The following PCCA variants were observed in gnomAD, a reference collection of about 807,000 sequenced individuals.
The protein encoded by PCCA is propionyl-CoA carboxylase alpha chain, mitochondrial.
In PCCA, 74 loss-of-function variants were observed where a neutral mutation model predicts 101.3. The observed-to-expected ratio is 0.73, with a 90% CI of 0.61 to 0.89. PCCA has a LOEUF of 0.89. Ranked by LOEUF, PCCA falls within the 40% of genes least tolerant of loss-of-function variation. The probability of loss-of-function intolerance (pLI) is 0.00; values close to 1 mark genes in which losing one functional copy is unlikely to be tolerated. For missense variants in PCCA, 891 were observed against 907.0 expected, an observed-to-expected ratio of 0.98 and a Z score of 0.23; for synonymous variants, 294 against 313.6, an observed-to-expected ratio of 0.94 and a Z score of 0.66.
At chr13:100,486,071 G>A (rs1423978456) in intron 21 of PCCA, among the ~76,000 whole-genome samples, 1 of 152,194 alleles carries the variant, frequency 6.6e-6, no homozygotes, top group East Asian at 1.9e-4. Flanking sequence ...GCAGGTCGGA[G>A]CCCATCGTAG....
At chr13:100,347,795 T>C (rs1595493572) in intron 18 of PCCA, among the ~76,000 whole-genome samples, 1 of 152,348 alleles carries the variant, frequency 6.6e-6, no homozygotes, top group African/African-American at 2.4e-5. Flanking sequence ...ATTTATTTTC[T>C]ATACAACAAG....
chr13:100,490,758 ATGTT>A (rs1300198048), intron 21 of PCCA: 1 of 152,170 alleles, frequency 6.6e-6, no homozygotes, highest in Non-Finnish European at 1.5e-5. Flanking sequence ...AGCGCTGTCA[ATGTT>A]TGGACAGTGT....
intron 8 of PCCA, among the ~76,000 whole-genome samples, chr13:100,238,184 C>G (rs2060919818): frequency 6.6e-6 from 1 of 152,018 alleles, no homozygotes; most frequent in Non-Finnish European, 1.5e-5. Flanking sequence ...AGGTGATCTG[C>G]CCACCTCAGC....
chr13:100,449,105 G>T, intron 20 of PCCA, 147 bp from the exon 21 acceptor site: 2 of 533,714 alleles, frequency 3.7e-6, no homozygotes, highest in South Asian at 3.1e-5. Flanking sequence ...CCTTTTTATG[G>T]CCAAATAATA....
intron 1 of PCCA, among the ~76,000 whole-genome samples, chr13:100,090,866 C>T (rs2152200146): frequency 6.6e-6 from 1 of 152,306 alleles, no homozygotes; most frequent in South Asian, 2.1e-4. Flanking sequence ...AAGTGGCAAA[C>T]AGGATTTAGA....
chr13:100,175,464 G>T (rs183308111), intron 6 of PCCA, among the ~76,000 whole-genome samples: 1 of 152,280 alleles, frequency 6.6e-6, no homozygotes, highest in East Asian at 1.9e-4. Flanking sequence ...GTGGTGACAG[G>T]CTGCTCTGTT....
chr13:100,363,027 A>G (rs1364573226), intron 18 of PCCA, among the ~76,000 whole-genome samples: 2 of 152,156 alleles, frequency 1.3e-5, no homozygotes, highest in African/African-American at 4.8e-5. Flanking sequence ...TTGGCAGTAG[A>G]CTTCTGTTTA....
chr13:100,407,662 C>T, intron 19 of PCCA, among the ~76,000 whole-genome samples: 1 of 152,120 alleles, frequency 6.6e-6, no homozygotes, highest in Non-Finnish European at 1.5e-5. Context: ...ATTCTTCCAC[C>T]ACTTGTTTGA....
intron 18 of PCCA, among the ~76,000 whole-genome samples, chr13:100,348,095 G>A (rs951737720): frequency 6.6e-6 from 1 of 152,124 alleles, no homozygotes; most frequent in African/African-American, 2.4e-5. Flanking sequence ...ATCGGCTTGG[G>A]AATGGATTCT....
At chr13:100,232,167 C>T (rs192182839) in intron 7 of PCCA, among the ~76,000 whole-genome samples, 140 of 152,300 alleles carry the variant, frequency 9.2e-4, no homozygotes, top group Admixed American at 2.4e-3. Flanking sequence ...GTCCATACCT[C>T]CTTATCTTGT....
intron 19 of PCCA, among the ~76,000 whole-genome samples, chr13:100,378,922 GA>G (rs1199098181): frequency 2.0e-5 from 3 of 152,010 alleles, no homozygotes; most frequent in Non-Finnish European, 4.4e-5. Context: ...TCTGGAATGT[GA>G]ATTTCTTTTG....
At chr13:100,195,386 ATTT>A (rs1019660377) in intron 6 of PCCA, among the ~76,000 whole-genome samples, 8 of 152,238 alleles carry the variant, frequency 5.3e-5, no homozygotes, top group Non-Finnish European at 8.8e-5. Flanking sequence ...TGAGTGATAC[ATTT>A]AAGCATTTCA....
chr13:100,275,138 C>T (rs1042324940), intron 12 of PCCA, among the ~76,000 whole-genome samples: 11 of 152,198 alleles, frequency 7.2e-5, no homozygotes, highest in African/African-American at 2.6e-4. Context: ...CTCACGTGCA[C>T]CAAGGGGCCG....
chr13:100,227,377 TA>T (rs1220560082), intron 7 of PCCA, among the ~76,000 whole-genome samples: 2 of 152,242 alleles, frequency 1.3e-5, no homozygotes, highest in African/African-American at 4.8e-5. Flanking sequence ...AGATTTTTGT[TA>T]ACTCTTTTCA....
chr13:100,324,249 T>C (rs1459843732), intron 16 of PCCA, among the ~76,000 whole-genome samples: 1 of 152,212 alleles, frequency 6.6e-6, no homozygotes, highest in Non-Finnish European at 1.5e-5. Context: ...TGACCAAGAT[T>C]AGATACTTCA....
At chr13:100,332,792 CA>C (rs1555423107) in intron 17 of PCCA, among the ~76,000 whole-genome samples, 2 of 152,186 alleles carry the variant, frequency 1.3e-5, no homozygotes, top group Admixed American at 6.5e-5. Context: ...TTGGACACCA[CA>C]ATTTTGTTTT....
At chr13:100,300,125 G>C (rs1194338754) in intron 12 of PCCA, among the ~76,000 whole-genome samples, 2 of 152,210 alleles carry the variant, frequency 1.3e-5, no homozygotes, top group African/African-American at 4.8e-5. Flanking sequence ...ATCTTATAGA[G>C]TCTTGGTTCT....
At chr13:100,150,826 G>A (rs1451129583) in intron 4 of PCCA, 2 of 1,583,782 alleles carry the variant, frequency 1.3e-6, no homozygotes, top group African/African-American at 2.7e-5. Flanking sequence ...ACTTTAGCTG[G>A]TTAACACCAT....
intron 1 of PCCA, among the ~76,000 whole-genome samples, chr13:100,097,860 C>CA (rs1379236913): frequency 6.6e-6 from 1 of 151,850 alleles, no homozygotes; most frequent in East Asian, 1.9e-4. Flanking sequence ...CCAGTCTCTA[C>CA]AAAAAATAAA....
Sources: gnomAD v4.1 joint callset for allele counts (sites outside exome capture counted in the v4.1 genomes callset) on GRCh38, gnomAD v4.1.1 for gene constraint, MANE v1.5 for transcripts, NCBI Gene and HGNC (gene_info 2026-07-23, HGNC 2026-07-21) for gene names.